TENM4: variants seen among roughly 807,000 people sequenced by gnomAD.
TENM4 encodes teneurin transmembrane protein 4.
TENM4 carries 82 observed loss-of-function variants against 243.3 expected under a neutral mutation model. The observed-to-expected ratio is 0.34, with a 90% CI of 0.28 to 0.40. The LOEUF (loss-of-function observed/expected upper bound fraction) is 0.40. Among genes scored for constraint, TENM4 ranks in the 10% least tolerant of loss-of-function variants. The probability of loss-of-function intolerance (pLI) is 1.00; values close to 1 mark genes in which losing one functional copy is unlikely to be tolerated. For missense variants in TENM4, 3,138 were observed against 3,673.3 expected (o/e 0.85, Z 3.77); for synonymous variants, 1,412 against 1,456.3 (o/e 0.97, Z 0.69).
chr11:79,291,943 C>T (rs557478201), intron 2 of TENM4, among the ~76,000 whole-genome samples: 1 of 152,158 alleles, frequency 6.6e-6, no homozygotes, highest in Non-Finnish European at 1.5e-5. Context: ...GCAAATTGAG[C>T]CCTGGTGCTG....
At chr11:79,359,166 T>C (rs1351113446) in intron 1 of TENM4, among the ~76,000 whole-genome samples, 2 of 152,134 alleles carry the variant, frequency 1.3e-5, no homozygotes, top group Non-Finnish European at 2.9e-5. Flanking sequence ...CTTGGGAGGC[T>C]GAGGCAGGAG....
At chr11:79,148,460 C>T (rs750638186) in intron 4 of TENM4, among the ~76,000 whole-genome samples, 2 of 151,994 alleles carry the variant, frequency 1.3e-5, no homozygotes, top group African/African-American at 2.4e-5. Flanking sequence ...GGGAATGGTC[C>T]GTACCTCTAA....
At position 78,708,973 on chromosome 11, in the gene TENM4, T is replaced by C. The variant is rs28479456; in HGVS notation, c.4055-458A>G. On this transcript the variant is annotated intron_variant, in intron 26 of 33. Transcript: ENST00000278550. ...TTCTTTTCTTTCTTTTTCTTTCTTTTTTTTTTTTTTTAAAAAAAGAGTCTC... is the reference window on the plus strand; with the variant it reads ...TTCTTTTCTTTCTTTTTCTTTCTTTCTTTTTTTTTTTAAAAAAAGAGTCTC... Among the ~76,000 whole-genome samples, 40 of 136,778 alleles carry C rather than the reference T, an allele frequency of 2.9e-4. 1 individual carries two copies. The South Asian group carries it at 7.4e-3, about 25-fold the overall frequency. The allele number at this position is 136,778 out of a possible 152,430, so 89.7% of individuals were successfully genotyped here.
At chr11:79,312,330 T>G (rs1856735509) in intron 1 of TENM4, among the ~76,000 whole-genome samples, 1 of 152,210 alleles carries the variant, frequency 6.6e-6, no homozygotes, top group Non-Finnish European at 1.5e-5. Context: ...TCAGTAAATA[T>G]TTGCCTGATT....
chr11:78,970,569 A>G (rs1857520270), intron 6 of TENM4, among the ~76,000 whole-genome samples: 1 of 152,214 alleles, frequency 6.6e-6, no homozygotes, highest in Non-Finnish European at 1.5e-5. Flanking sequence ...GTCTGTAGCA[A>G]TGGAATAGTG....
chr11:78,756,690 A>G (rs1856313752), intron 19 of TENM4, 115 bp downstream of exon 19: 2 of 969,240 alleles, frequency 2.1e-6, no homozygotes, highest in South Asian at 1.6e-5. Context: ...ATCAGGAACC[A>G]TGGATGCTCT....
chr11:79,429,572 T>C (rs1373696613), intron 1 of TENM4, among the ~76,000 whole-genome samples: 2 of 150,128 alleles, frequency 1.3e-5, no homozygotes, highest in African/African-American at 4.9e-5. Context: ...AAAAAAAAAA[T>C]GATGGAAGCA....
At chr11:78,908,535 C>T (rs61617486) in intron 6 of TENM4, among the ~76,000 whole-genome samples, 2,223 of 152,300 alleles carry the variant, frequency 0.015, 64 homozygotes, top group African/African-American at 0.051. Context: ...AAGAGCAGAA[C>T]ATATCTAACA....
chr11:78,684,172 G>A (rs7943290), intron 29 of TENM4, among the ~76,000 whole-genome samples: 1,952 of 152,324 alleles, frequency 0.013, 42 homozygotes, highest in African/African-American at 0.045. Flanking sequence ...ATTTGAGTGC[G>A]TGCTGTGAGA....
chr11:79,132,628 T>C (rs1188086218), intron 4 of TENM4, among the ~76,000 whole-genome samples: 1 of 152,104 alleles, frequency 6.6e-6, no homozygotes, highest in Admixed American at 6.6e-5. Context: ...TAAGAAAATT[T>C]AAATTATATC....
At chr11:78,769,044 T>C (rs1856597633) in intron 18 of TENM4, among the ~76,000 whole-genome samples, 1 of 152,190 alleles carries the variant, frequency 6.6e-6, no homozygotes, top group South Asian at 2.1e-4. Flanking sequence ...ATGCAGTCAT[T>C]TTGCTGCCCA....
intron 1 of TENM4, among the ~76,000 whole-genome samples, chr11:79,300,682 C>T (rs1856536581): frequency 6.6e-6 from 1 of 152,180 alleles, no homozygotes; most frequent in Admixed American, 6.5e-5. Context: ...ATCTGCCTCT[C>T]TTGAATATCA....
intron 19 of TENM4, among the ~76,000 whole-genome samples, chr11:78,751,582 A>AC (rs1393151949): frequency 5.3e-5 from 8 of 152,124 alleles, no homozygotes; most frequent in African/African-American, 1.9e-4. Context: ...TATTTGAATA[A>AC]CCTGGGGGTG....
chr11:78,739,631 T>C (rs1619953), intron 19 of TENM4, among the ~76,000 whole-genome samples: 102,342 of 151,810 alleles, frequency 0.67, 35,176 homozygotes, highest in Non-Finnish European at 0.74. Context: ...GGTGGCTTTT[T>C]AAACATTCAG....
chr11:78,666,412 T>C (rs1344634228), intron 32 of TENM4, among the ~76,000 whole-genome samples: 2 of 152,226 alleles, frequency 1.3e-5, no homozygotes, highest in Non-Finnish European at 2.9e-5. Context: ...GGTGGGTTCC[T>C]AGTCAAAGAA....
chr11:78,714,425 G>A (rs568588653), intron 25 of TENM4, among the ~76,000 whole-genome samples: 1 of 152,216 alleles, frequency 6.6e-6, no homozygotes, highest in South Asian at 2.1e-4. Flanking sequence ...TCCTTCTTTG[G>A]TTTTCTCTCC....
intron 2 of TENM4, among the ~76,000 whole-genome samples, chr11:79,225,693 G>C (rs1183327692): frequency 2.6e-5 from 4 of 152,062 alleles, no homozygotes; most frequent in African/African-American, 9.7e-5. Flanking sequence ...TGCCCAGACT[G>C]GTCTCGAACT....
intron 2 of TENM4, among the ~76,000 whole-genome samples, chr11:79,235,480 C>A (rs551760418): frequency 6.6e-6 from 1 of 152,204 alleles, no homozygotes; most frequent in East Asian, 1.9e-4. Flanking sequence ...GGGAGGTGCT[C>A]AAGATAGGGA....
At chr11:78,767,524 C>T (rs1442156721) in intron 18 of TENM4, among the ~76,000 whole-genome samples, 1 of 152,182 alleles carries the variant, frequency 6.6e-6, no homozygotes, top group Non-Finnish European at 1.5e-5. Context: ...CTAGTCCAGG[C>T]CATGTAATGA....
Sources: gnomAD v4.1 joint callset for allele counts (sites outside exome capture counted in the v4.1 genomes callset) on GRCh38, gnomAD v4.1.1 for gene constraint, MANE v1.5 for transcripts, NCBI Gene and HGNC (gene_info 2026-07-23, HGNC 2026-07-21) for gene names.